LRRC4C: variants seen among roughly 807,000 people sequenced by gnomAD.
LRRC4C encodes leucine rich repeat containing 4C.
In LRRC4C, 5 loss-of-function variants were observed where a neutral mutation model predicts 33.6. The observed-to-expected ratio is 0.15, with a 90% CI of 0.08 to 0.31. The LOEUF (loss-of-function observed/expected upper bound fraction) is 0.31, where lower values mean the gene tolerates loss of function less well. LRRC4C is among the 10% of genes least tolerant of loss of function. The pLI is 1.00. For synonymous variants in LRRC4C, 329 were observed against 302.0 expected (o/e 1.09, Z -0.93); for missense variants, 560 against 796.7 (o/e 0.70, Z 3.58).
intron 3 of LRRC4C, among the ~76,000 whole-genome samples, chr11:40,616,302 A>G (rs1371963722): frequency 1.3e-5 from 2 of 151,938 alleles, no homozygotes; most frequent in African/African-American, 4.8e-5. Flanking sequence ...ACACTTTTAC[A>G]CTGTTGGTGG....
intron 1 of LRRC4C, among the ~76,000 whole-genome samples, chr11:41,140,657 C>T (rs1264553908): frequency 1.3e-5 from 2 of 152,194 alleles, no homozygotes; most frequent in Non-Finnish European, 2.9e-5. Flanking sequence ...TTCCCCACAT[C>T]GGGTTCTTCC....
intron 4 of LRRC4C, among the ~76,000 whole-genome samples, chr11:40,246,258 G>A (rs570856416): frequency 5.5e-4 from 84 of 152,166 alleles, no homozygotes; most frequent in African/African-American, 1.9e-3. Context: ...ACAGGCATAA[G>A]CCACCATGCC....
At chr11:40,562,176 A>G (rs1354650283) in intron 3 of LRRC4C, among the ~76,000 whole-genome samples, 1 of 152,194 alleles carries the variant, frequency 6.6e-6, no homozygotes, top group African/African-American at 2.4e-5. Flanking sequence ...CCTCAATGGG[A>G]ATGTGTACCA....
chr11:40,160,130 C>T (rs1220746310), intron 5 of LRRC4C, among the ~76,000 whole-genome samples: 1 of 151,886 alleles, frequency 6.6e-6, no homozygotes. Context: ...TTGTTCATAA[C>T]CTCTTAACAC....
chr11:40,493,821 T>C (rs1051072876), intron 3 of LRRC4C, among the ~76,000 whole-genome samples: 1 of 152,084 alleles, frequency 6.6e-6, no homozygotes, highest in Non-Finnish European at 1.5e-5. Context: ...AAAGACCAAA[T>C]CATTCTGGGT....
At chr11:40,794,513 G>A (rs1325901755) in intron 2 of LRRC4C, among the ~76,000 whole-genome samples, 1 of 151,492 alleles carries the variant, frequency 6.6e-6, no homozygotes, top group Non-Finnish European at 1.5e-5. Context: ...CATGATTTTT[G>A]TAGCAATTTT....
chr11:40,363,655 G>A (rs1047297289), intron 3 of LRRC4C, among the ~76,000 whole-genome samples: 6 of 151,934 alleles, frequency 3.9e-5, no homozygotes, highest in Non-Finnish European at 8.8e-5. Flanking sequence ...GCTTTTCTCA[G>A]CTTCCACCTT....
intron 1 of LRRC4C, among the ~76,000 whole-genome samples, chr11:40,947,366 TA>T (rs965286595): frequency 1.3e-5 from 2 of 152,170 alleles, no homozygotes; most frequent in African/African-American, 4.8e-5. Flanking sequence ...TAAAGTTATG[TA>T]AAAATAATTT....
At chr11:40,438,719 G>A (rs1352025591) in intron 3 of LRRC4C, among the ~76,000 whole-genome samples, 1 of 152,126 alleles carries the variant, frequency 6.6e-6, no homozygotes, top group Non-Finnish European at 1.5e-5. Flanking sequence ...TTTCTTGCCT[G>A]ATTGGGGGAT....
chr11:40,555,359 ACT>A (rs1209556095), intron 3 of LRRC4C, among the ~76,000 whole-genome samples: 4 of 152,118 alleles, frequency 2.6e-5, no homozygotes, highest in Non-Finnish European at 5.9e-5. Flanking sequence ...GGGTAAAATC[ACT>A]CTCTGAAATA....
In LRRC4C at chr11:40,115,561, G is replaced by A. The variant is rs780195603; in HGVS notation, c.732C>T (p.His244=). 1.2e-6 allele frequency: 2 copies of A among 1,614,158 alleles called. No individual in the cohort carries two copies. Among genetic ancestry groups the A allele is most frequent in the South Asian group, 1.1e-5 (1 of 91,080 alleles). ...IRPGSFQGLM[H]LQKLWMIQSQ... is the part of the protein sequence containing the mutation. ...ACTGTATCATCCACAGTTTTTGAAG[G>A]TGCATCAAACCCTGGAAAGAGCCAG... The change falls in exon 7 of 7, where the codon CAC becomes CAT. Residue 244 remains histidine (H), a synonymous_variant. Coordinates refer to ENST00000528697, the MANE Select transcript of LRRC4C (RefSeq NM_001258419.2). The surrounding 1 kb of genome is among the most constrained non-coding windows in gnomAD (Gnocchi z 6.7).
At chr11:40,955,012 C>T (rs2136779040) in intron 1 of LRRC4C, among the ~76,000 whole-genome samples, 1 of 151,968 alleles carries the variant, frequency 6.6e-6, no homozygotes, top group South Asian at 2.1e-4. Flanking sequence ...TTTCCTTGCA[C>T]AGCCCCCACC....
chr11:40,774,655 G>T (rs904603423), intron 2 of LRRC4C, among the ~76,000 whole-genome samples: 2 of 152,048 alleles, frequency 1.3e-5, no homozygotes, highest in African/African-American at 4.8e-5. Context: ...CAGGTAATTT[G>T]TTGACAAAAC....
intron 2 of LRRC4C, among the ~76,000 whole-genome samples, chr11:40,825,944 G>C (rs866389980): frequency 0.043 from 2,156 of 50,508 alleles, 60 homozygotes; most frequent in Middle Eastern, 0.1. Flanking sequence ...GTATTCTGGG[G>C]GGGGGGCGTC....
At position 40,760,043 on chromosome 11, in the gene LRRC4C, A is replaced by G. The variant is rs540111731; in HGVS notation, c.-406-111765T>C. 5.3e-5 allele frequency among the ~76,000 whole-genome samples: 8 copies of G among 152,040 alleles called. No homozygotes were observed. In the South Asian group the frequency reaches 1.7e-3, roughly 32 times the overall value. On this transcript the variant is annotated intron_variant, in intron 2 of 6. Coordinates refer to ENST00000528697, the MANE Select transcript of LRRC4C (RefSeq NM_001258419.2). ...CATCTGACAAGTGACTCTGCCCCCC[A>G]ACCTTTTCTTTTCCAGATTGAGGTG... is the stretch of plus-strand genomic sequence containing the variant.
chr11:40,792,449 C>T (rs1246341317), intron 2 of LRRC4C, among the ~76,000 whole-genome samples: 1 of 151,876 alleles, frequency 6.6e-6, no homozygotes, highest in African/African-American at 2.4e-5. Flanking sequence ...TAGAACCACA[C>T]CAGTTAGAAT....
At position 41,030,788 on chromosome 11, in the gene LRRC4C, G is replaced by A. The variant is rs76169230; in HGVS notation, c.-495-97065C>T. 7.3e-5 allele frequency among the ~76,000 whole-genome samples: 11 copies of A among 151,342 alleles called. No homozygotes were observed. In the East Asian group the frequency reaches 2.0e-3, roughly 27 times the overall value. On this transcript the variant is annotated intron_variant, in intron 1 of 6. Transcript: ENST00000528697. ...ATGTGTATGTATATAAATCTGTGGG[G>A]CACTGTTATACACACACATACACAC...
At chr11:41,191,409 C>G (rs1028843681) in intron 1 of LRRC4C, among the ~76,000 whole-genome samples, 2 of 152,158 alleles carry the variant, frequency 1.3e-5, no homozygotes, top group African/African-American at 2.4e-5. Flanking sequence ...TCACTCTTTT[C>G]CCTTCAACTA....
intron 3 of LRRC4C, among the ~76,000 whole-genome samples, chr11:40,367,014 T>G (rs893298442): frequency 1.3e-5 from 2 of 152,096 alleles, no homozygotes; most frequent in African/African-American, 4.8e-5. Flanking sequence ...GCAGCTCCTT[T>G]CAGAAGATTC....
Sources: allele counts gnomAD v4.1 joint callset (sites outside exome capture counted in the v4.1 genomes callset), GRCh38; gene constraint gnomAD v4.1.1; non-coding constraint Gnocchi (gnomAD v3.1); transcripts MANE v1.5; gene names NCBI Gene and HGNC (gene_info 2026-07-23, HGNC 2026-07-21).